The following ACYP2 variants were observed in gnomAD, a reference collection of about 807,000 sequenced individuals.
ACYP2 encodes the protein acylphosphatase 2, also known as acylphosphatase-2.
ACYP2 carries 12 observed loss-of-function variants against 11.2 expected under a neutral mutation model. The ratio of observed to expected loss-of-function variants is 1.08; its 90% CI spans 0.69 to 1.74. The LOEUF (loss-of-function observed/expected upper bound fraction) is 1.74, where lower values mean the gene tolerates loss of function less well. ACYP2 is among the 40% of genes most tolerant of loss of function. The pLI is 0.00. For missense variants in ACYP2, 134 were observed against 101.9 expected, an observed-to-expected ratio of 1.31 and a Z score of -1.35; for synonymous variants, 43 against 32.2, an observed-to-expected ratio of 1.33 and a Z score of -1.13.
At chr2:54,260,232 C>T (rs1341707252) in intron 6 of ACYP2, among the ~76,000 whole-genome samples, 3 of 152,056 alleles carry the variant, frequency 2.0e-5, no homozygotes, top group African/African-American at 7.2e-5. Context: ...CTGATTGCTT[C>T]ATTGTTCTCA....
intron 6 of ACYP2, among the ~76,000 whole-genome samples, chr2:54,174,579 G>A (rs1388920157): frequency 6.6e-6 from 1 of 152,180 alleles, no homozygotes; most frequent in African/African-American, 2.4e-5. Context: ...GGAGTGGTGA[G>A]AGAGGGCATC....
chr2:54,105,284 C>T (rs1679096511), intron 4 of ACYP2, among the ~76,000 whole-genome samples: 1 of 152,114 alleles, frequency 6.6e-6, no homozygotes, highest in Non-Finnish European at 1.5e-5. Context: ...GCAGCAGCCA[C>T]ACTGGGCTTC....
intron 6 of ACYP2, among the ~76,000 whole-genome samples, chr2:54,303,726 A>T (rs772732235): frequency 2.0e-5 from 3 of 152,240 alleles, no homozygotes; most frequent in Non-Finnish European, 4.4e-5. Context: ...GTCACATATC[A>T]TACTGCATAG....
At chr2:54,051,337 A>G in intron 3 of ACYP2, 1 of 763,646 alleles carries the variant, frequency 1.3e-6, no homozygotes, top group South Asian at 1.3e-5. Flanking sequence ...AGTTTTTAAG[A>G]AGTGCTCAGA....
intron 4 of ACYP2, among the ~76,000 whole-genome samples, chr2:54,077,527 A>G (rs1004083504): frequency 3.9e-5 from 6 of 152,366 alleles, no homozygotes; most frequent in African/African-American, 1.4e-4. Context: ...AGGTGGGAAG[A>G]TAATTATCAA....
At chr2:54,053,568 C>T (rs1287299626) in intron 3 of ACYP2, among the ~76,000 whole-genome samples, 2 of 152,180 alleles carry the variant, frequency 1.3e-5, no homozygotes, top group Non-Finnish European at 2.9e-5. Flanking sequence ...ACCCAGCTTG[C>T]CCACCGGCTC....
intron 6 of ACYP2, among the ~76,000 whole-genome samples, chr2:54,294,606 G>T (rs1689444259): frequency 6.6e-6 from 1 of 152,148 alleles, no homozygotes; most frequent in East Asian, 1.9e-4. Context: ...TGGAAGAAAG[G>T]TTTCTTCTCT....
chr2:54,189,798 T>C (rs1684161633), intron 6 of ACYP2, among the ~76,000 whole-genome samples: 1 of 152,192 alleles, frequency 6.6e-6, no homozygotes, highest in Admixed American at 6.5e-5. Flanking sequence ...TTTTACATAA[T>C]GGCTGCACCA....
intron 2 of ACYP2, among the ~76,000 whole-genome samples, chr2:53,977,931 C>T (rs1385291971): frequency 6.6e-6 from 1 of 151,988 alleles, no homozygotes; most frequent in Non-Finnish European, 1.5e-5. Context: ...CCATTCCTGG[C>T]TGAGGCTGCC....
chr2:54,124,702 TG>T (rs1338165210), intron 4 of ACYP2, among the ~76,000 whole-genome samples: 1 of 152,044 alleles, frequency 6.6e-6, no homozygotes, highest in African/African-American at 2.4e-5. Flanking sequence ...TGCTTTTATT[TG>T]TTTTTTTATT....
intron 4 of ACYP2, among the ~76,000 whole-genome samples, chr2:54,092,606 G>A (rs958611765): frequency 1.3e-5 from 2 of 152,188 alleles, no homozygotes; most frequent in Non-Finnish European, 2.9e-5. Flanking sequence ...GAGGGAAATG[G>A]AGTGTCTCAG....
chr2:53,998,561 T>A (rs1672673218), intron 2 of ACYP2, among the ~76,000 whole-genome samples: 1 of 152,112 alleles, frequency 6.6e-6, no homozygotes, highest in Admixed American at 6.6e-5. Context: ...ATGCCTGTAA[T>A]CCCAGCACTT....
intron 6 of ACYP2, chr2:54,256,386 A>G (rs1286546441): frequency 1.1e-5 from 6 of 522,706 alleles, no homozygotes; most frequent in Non-Finnish European, 2.1e-5. Flanking sequence ...ATGATATTAC[A>G]TGGTGGTTTT....
chr2:54,241,467 T>A (rs1686727104), intron 6 of ACYP2, among the ~76,000 whole-genome samples: 1 of 152,218 alleles, frequency 6.6e-6, no homozygotes, highest in Non-Finnish European at 1.5e-5. Context: ...TACCCTGGGC[T>A]TTCCCTCAAA....
rs1676420064 is a variant in ACYP2, at chr2:54,060,643, C to CATTTT, written c.277+3289_277+3293dup. On this transcript the variant is annotated intron_variant, in intron 4 of 6. Transcript: ENST00000607452. ...TTCTACTAATTTATTTGCCCAAATA[C>CATTTT]ATTTTATTTTGGTATGATAGAATTT... 6.6e-5 allele frequency among the ~76,000 whole-genome samples: 10 copies of CATTTT among 152,260 alleles called. No individual in the cohort carries two copies. In the South Asian group the frequency reaches 2.1e-3, roughly 32 times the overall value.
intron 2 of ACYP2, among the ~76,000 whole-genome samples, chr2:53,987,319 T>A (rs1020315679): frequency 2.8e-4 from 43 of 152,000 alleles, no homozygotes; most frequent in Non-Finnish European, 5.0e-4. Context: ...CATATCTTTT[T>A]ATAGATGTGG....
intron 2 of ACYP2, among the ~76,000 whole-genome samples, chr2:53,981,756 A>G (rs1055445373): frequency 1.3e-5 from 2 of 152,172 alleles, no homozygotes; most frequent in Non-Finnish European, 2.9e-5. Context: ...CCTCAGAAAC[A>G]ATAGGCTACA....
intron 4 of ACYP2, among the ~76,000 whole-genome samples, chr2:54,099,967 T>C (rs923614514): frequency 7.9e-5 from 12 of 152,346 alleles, no homozygotes; most frequent in African/African-American, 2.9e-4. Context: ...TTTATCTTTT[T>C]CATCACAGCC....
intron 6 of ACYP2, among the ~76,000 whole-genome samples, chr2:54,196,978 T>A (rs960404530): frequency 1.3e-5 from 2 of 152,232 alleles, no homozygotes; most frequent in African/African-American, 4.8e-5. Context: ...GTCACCTCAT[T>A]TAATCCTCAT....
Sources: gnomAD v4.1 joint callset for allele counts (sites outside exome capture counted in the v4.1 genomes callset) on GRCh38, gnomAD v4.1.1 for gene constraint, MANE v1.5 for transcripts, NCBI Gene and HGNC (gene_info 2026-07-23, HGNC 2026-07-21) for gene names.